The following XKR4 variants were observed in gnomAD, a reference collection of about 807,000 sequenced individuals.
XKR4 encodes the protein XK related 4, also known as XK-related protein 4.
In XKR4, 12 loss-of-function variants were observed where a neutral mutation model predicts 53.9. That is an observed-to-expected ratio of 0.22 (90% CI 0.14 to 0.36). The LOEUF (loss-of-function observed/expected upper bound fraction) is 0.36. Among genes scored for constraint, XKR4 ranks in the 10% least tolerant of loss-of-function variants. XKR4 has a pLI of 1.00. For synonymous variants in XKR4, 354 were observed against 362.4 expected, an observed-to-expected ratio of 0.98 and a Z score of 0.26; for missense variants, 799 against 859.5, an observed-to-expected ratio of 0.93 and a Z score of 0.88.
chr8:55,487,813 G>A (rs1244989163), intron 2 of XKR4, among the ~76,000 whole-genome samples: 1 of 152,008 alleles, frequency 6.6e-6, no homozygotes, highest in South Asian at 2.1e-4. Context: ...TTAAATTCAC[G>A]AGTCCTCCCA....
chr8:55,357,584 G>T, intron 1 of XKR4, 94 bp from the exon 2 acceptor site: 1 of 1,304,140 alleles, frequency 7.7e-7, no homozygotes, highest in Non-Finnish European at 1.1e-6. Flanking sequence ...GTGCTTGCTT[G>T]CATATGGTGG....
intron 2 of XKR4, among the ~76,000 whole-genome samples, chr8:55,519,740 T>C (rs1477542420): frequency 6.6e-6 from 1 of 152,140 alleles, no homozygotes; most frequent in Admixed American, 6.5e-5. Context: ...TTGATTGAAG[T>C]TGATAACTTT....
chr8:55,172,190 G>A (rs931572095), intron 1 of XKR4, among the ~76,000 whole-genome samples: 3 of 149,654 alleles, frequency 2.0e-5, no homozygotes, highest in African/African-American at 5.0e-5. Flanking sequence ...TGCACTGGTC[G>A]ACAGAGCAAG....
At position 55,526,863 on chromosome 8, in the gene XKR4, G is replaced by C. The variant is rs892851802; in HGVS notation, c.*2636G>C. On this transcript the variant is annotated 3_prime_UTR_variant, in exon 3 of 3. Coordinates refer to ENST00000327381, the MANE Select transcript of XKR4 (RefSeq NM_052898.2). The stretch of plus-strand genomic sequence containing the variant: ...TGTGCTTTGACTTGGAGGTGAGATT[G>C]GCAGTCAGGAGAATGTAAGGAGGTT... 4 of 152,184 alleles carry C rather than the reference G, an allele frequency of 2.6e-5. No individual in the cohort carries two copies. The highest frequency in any genetic ancestry group is 5.9e-5 in the Non-Finnish European group (4 of 68,026). The allele number at this position is 152,184 out of a possible 1,614,324, so 9.4% of individuals were successfully genotyped here.
intron 1 of XKR4, among the ~76,000 whole-genome samples, chr8:55,290,903 G>A (rs1264019670): frequency 6.6e-6 from 1 of 152,004 alleles, no homozygotes; most frequent in Non-Finnish European, 1.5e-5. Flanking sequence ...CACCTAATTT[G>A]TTAATATCCT....
intron 1 of XKR4, among the ~76,000 whole-genome samples, chr8:55,307,930 T>A (rs993366478): frequency 6.6e-6 from 1 of 152,140 alleles, no homozygotes; most frequent in Non-Finnish European, 1.5e-5. Context: ...AGTTATCATA[T>A]GTATTAGTCC....
chr8:55,141,263 C>A (rs559527119), intron 1 of XKR4, among the ~76,000 whole-genome samples: 1 of 152,330 alleles, frequency 6.6e-6, no homozygotes, highest in Admixed American at 6.5e-5. Flanking sequence ...CCGCCTCCCT[C>A]CTCCTCTGCC....
In XKR4 at chr8:55,534,603, C is replaced by A. The variant is rs1334349542; in HGVS notation, c.*10376C>A. ...TGTTAGCCAGAATGGTCTCGATCTC[C>A]TGACCTCGTGATCTGCCCTCCTTGG... On this transcript the variant is annotated 3_prime_UTR_variant, in exon 3 of 3. Coordinates refer to ENST00000327381, the MANE Select transcript of XKR4 (RefSeq NM_052898.2). The A allele has an allele frequency of 6.6e-6, 1 of 151,678 alleles. No homozygotes were observed. The highest frequency in any genetic ancestry group is 2.1e-4 in the South Asian group (1 of 4,794). 9.4% of individuals were successfully genotyped at this position (151,678 alleles called of 1,614,324 possible).
intron 1 of XKR4, among the ~76,000 whole-genome samples, chr8:55,290,725 T>A (rs1481406271): frequency 6.6e-6 from 1 of 152,198 alleles, no homozygotes; most frequent in Non-Finnish European, 1.5e-5. Flanking sequence ...GTACTAATGG[T>A]AATGTCTATT....
chr8:55,301,882 A>G (rs1819205251), intron 1 of XKR4, among the ~76,000 whole-genome samples: 2 of 152,160 alleles, frequency 1.3e-5, no homozygotes, highest in Admixed American at 1.3e-4. Context: ...TTCATCGTAG[A>G]TTCTGGATAT....
In XKR4 at chr8:55,523,857, G is replaced by T; in HGVS notation, c.1583G>T (p.Cys528Phe). The T allele has an allele frequency of 2.5e-6, 4 of 1,614,194 alleles. No individual in the cohort carries two copies. The highest frequency in any genetic ancestry group is 3.4e-6 in the Non-Finnish European group (4 of 1,180,032). Reference protein sequence around the residue: ...PRFGQSPSCACEDPAAAFTLP... With the variant: ...PRFGQSPSCAFEDPAAAFTLP... ...TTCGGGCAGTCACCAAGTTGTGCTT[G>T]TGAGGACCCAGCCGCTGCCTTCACT... Residue 528 changes from cysteine (C) to phenylalanine (F), a missense_variant, in exon 3 of 3, where the codon TGT (cysteine) becomes TTT (phenylalanine). By Grantham distance (205) the Cys-to-Phe change is radical. Transcript: ENST00000327381.
In XKR4 at chr8:55,443,530, T is replaced by TAAAAAAAAA. The variant is rs751152509; in HGVS notation, c.1007-79733_1007-79725dup. On this transcript the variant is annotated intron_variant, in intron 2 of 2. Coordinates refer to ENST00000327381, the MANE Select transcript of XKR4 (RefSeq NM_052898.2). Reference sequence around the variant, plus strand: ...TTTGTAGATTTATAATCAGTTACATTAAAAAAAAAAAAAAAAAAAAAAAAA... The same window carrying TAAAAAAAAA: ...TTTGTAGATTTATAATCAGTTACATTAAAAAAAAAAAAAAAAAAAAAAAAAAAAAAAAAA... Among the ~76,000 whole-genome samples, 94 of 74,006 alleles carry TAAAAAAAAA rather than the reference T, an allele frequency of 1.3e-3. 8 individuals carry two copies. Among genetic ancestry groups the TAAAAAAAAA allele is most frequent in the African/African-American group, 2.4e-3 (39 of 15,948 alleles). 48.6% of individuals were successfully genotyped at this position (74,006 alleles called of 152,430 possible). A position where few individuals can be genotyped will look rare whatever the true frequency, so the allele number is the denominator to read the frequency against.
At chr8:55,239,616 AT>A (rs1818180568) in intron 1 of XKR4, among the ~76,000 whole-genome samples, 1 of 151,992 alleles carries the variant, frequency 6.6e-6, no homozygotes, top group African/African-American at 2.4e-5. Context: ...CTATATAGAC[AT>A]TCTTCTAATA....
chr8:55,386,149 T>G (rs1169093183), intron 2 of XKR4, among the ~76,000 whole-genome samples: 2 of 152,178 alleles, frequency 1.3e-5, no homozygotes, highest in Non-Finnish European at 2.9e-5. Flanking sequence ...ATCACCACCA[T>G]GATCTGAAAC....
rs1264420753 is a variant in XKR4 at position 55,357,776 on chromosome 8, T to C, written c.905T>C (p.Val302Ala). 6 of 1,614,070 alleles carry C rather than the reference T, an allele frequency of 3.7e-6. No homozygotes were observed. The highest frequency in any genetic ancestry group is 4.2e-6 in the Non-Finnish European group (5 of 1,180,034). ...AAAATGGTATATGAGTATGCGGATGTGAGTATGCTGCATTTGCTAGCCACC... is the reference window on the plus strand; with the variant it reads ...AAAATGGTATATGAGTATGCGGATGCGAGTATGCTGCATTTGCTAGCCACC... The part of the protein sequence containing the change: ...YWKMVYEYAD[V>A]SMLHLLATFL... Residue 302 changes from valine (V) to alanine (A), a missense_variant, in exon 2 of 3, where the codon GTG (valine) becomes GCG (alanine). By Grantham distance (64) the Val-to-Ala change is moderately conservative. Coordinates refer to ENST00000327381, the MANE Select transcript of XKR4 (RefSeq NM_052898.2).
chr8:55,446,717 G>A (rs1244870456), intron 2 of XKR4, among the ~76,000 whole-genome samples: 1 of 152,122 alleles, frequency 6.6e-6, no homozygotes, highest in Non-Finnish European at 1.5e-5. Flanking sequence ...AAAGTTTAGG[G>A]GACAGTGGCT....
intron 1 of XKR4, among the ~76,000 whole-genome samples, chr8:55,235,684 A>C (rs911589407): frequency 3.9e-5 from 6 of 152,130 alleles, no homozygotes; most frequent in African/African-American, 1.4e-4. Context: ...TTTAACAAAA[A>C]AGAGAGTTCA....
At chr8:55,396,164 A>G (rs1360707609) in intron 2 of XKR4, among the ~76,000 whole-genome samples, 4 of 152,176 alleles carry the variant, frequency 2.6e-5, no homozygotes, top group Non-Finnish European at 5.9e-5. Flanking sequence ...CCCTTCCACA[A>G]AATGTTTTAC....
chr8:55,375,270 A>G (rs892942738), intron 2 of XKR4, among the ~76,000 whole-genome samples: 1 of 152,240 alleles, frequency 6.6e-6, no homozygotes, highest in African/African-American at 2.4e-5. Flanking sequence ...AAGCCATCTG[A>G]CAACGGAGCG....
Sources: allele counts gnomAD v4.1 joint callset (sites outside exome capture counted in the v4.1 genomes callset), GRCh38; gene constraint gnomAD v4.1.1; transcripts MANE v1.5; gene names NCBI Gene and HGNC (gene_info 2026-07-23, HGNC 2026-07-21).